GABRB3: variants seen among roughly 807,000 people sequenced by gnomAD.
The protein encoded by GABRB3 is gamma-aminobutyric acid receptor subunit beta-3.
A neutral mutation model predicts 52.1 loss-of-function variants in GABRB3; 14 were observed. That is an observed-to-expected ratio of 0.27 (90% CI 0.18 to 0.42). The LOEUF (loss-of-function observed/expected upper bound fraction) is 0.42. GABRB3 is among the 10% of genes least tolerant of loss of function. GABRB3 has a pLI of 1.00. For missense variants in GABRB3, 307 were observed against 609.1 expected (o/e 0.50, Z 5.22); for synonymous variants, 260 against 232.3 (o/e 1.12, Z -1.08).
chr15:26,761,693 G>A (rs1016560907), intron 3 of GABRB3, among the ~76,000 whole-genome samples: 2 of 152,112 alleles, frequency 1.3e-5, no homozygotes, highest in African/African-American at 4.8e-5. Context: ...CCCCCAGGAG[G>A]AATCTCCAGG....
chr15:26,633,845 A>G (rs1311306851), intron 3 of GABRB3, among the ~76,000 whole-genome samples: 1 of 152,178 alleles, frequency 6.6e-6, no homozygotes, highest in Non-Finnish European at 1.5e-5. Flanking sequence ...TCTAAACCAA[A>G]GTATAAAAGA....
chr15:26,558,679 G>C (rs1889848998), intron 8 of GABRB3, among the ~76,000 whole-genome samples: 1 of 152,140 alleles, frequency 6.6e-6, no homozygotes, highest in African/African-American at 2.4e-5. Context: ...AAGGCAGGTG[G>C]ATCATCTGAG....
At chr15:26,731,384 T>C (rs894961197) in intron 3 of GABRB3, among the ~76,000 whole-genome samples, 15 of 152,316 alleles carry the variant, frequency 9.8e-5, no homozygotes, top group African/African-American at 3.4e-4. Context: ...CATATCCTTG[T>C]TGAATTCTTG....
intron 3 of GABRB3, among the ~76,000 whole-genome samples, chr15:26,673,173 C>A (rs1169068368): frequency 6.6e-6 from 1 of 152,198 alleles, no homozygotes; most frequent in Non-Finnish European, 1.5e-5. Flanking sequence ...ACTCAACATT[C>A]ATTAATTCTG....
In GABRB3 at chr15:26,738,163, A is replaced by C. The variant is rs1595559921; in HGVS notation, c.240+34239T>G. Among the ~76,000 whole-genome samples the C allele has an allele frequency of 2.6e-5, 4 of 151,750 alleles. 1 individual carries two copies. The South Asian group carries it at 8.3e-4, about 32-fold the overall frequency. ...AATGGTGTGACCTCGGCTCACTGCA[A>C]CCTCCACCTCCCCAGTTCCAGCAAT... On this transcript the variant is annotated intron_variant, in intron 3 of 8. Transcript: ENST00000311550.
At chr15:26,565,820 T>G (rs982920742) in intron 7 of GABRB3, among the ~76,000 whole-genome samples, 1 of 152,198 alleles carries the variant, frequency 6.6e-6, no homozygotes, top group Non-Finnish European at 1.5e-5. Context: ...GACGGCAAAT[T>G]CTCTGTAGCA....
chr15:26,737,548 A>ACACAGAATAAACCAAAAGAACTT (rs1450383025), intron 3 of GABRB3, among the ~76,000 whole-genome samples: 4 of 152,168 alleles, frequency 2.6e-5, no homozygotes, highest in African/African-American at 9.6e-5. Context: ...ATAAAGAAGT[A>ACACAGAATAAACCAAAAGAACTT]CACAGAATAA....
chr15:26,662,093 T>C (rs1566795295), intron 3 of GABRB3, among the ~76,000 whole-genome samples: 1 of 152,284 alleles, frequency 6.6e-6, no homozygotes, highest in African/African-American at 2.4e-5. Flanking sequence ...CACAATCCCT[T>C]TGAATGAACG....
intron 3 of GABRB3, among the ~76,000 whole-genome samples, chr15:26,649,114 G>A (rs533678315): frequency 7.9e-5 from 12 of 152,310 alleles, no homozygotes; most frequent in Admixed American, 2.6e-4. Context: ...TTGCTACGGT[G>A]AGAAGCATTG....
chr15:26,547,668 T>C lies in GABRB3; in HGVS notation c.*125A>G. ...TGAGAAAGTTCACATATATATACAA[T>C]TGCGTATGTATATATGTGTGTGTCT... On this transcript the variant is annotated 3_prime_UTR_variant, in exon 9 of 9. Coordinates refer to ENST00000311550, the MANE Select transcript of GABRB3 (RefSeq NM_000814.6). 4.2e-6 allele frequency: 3 copies of C among 711,108 alleles called. No individual in the cohort carries two copies. The highest frequency in any genetic ancestry group is 7.4e-6 in the Non-Finnish European group (3 of 405,428). 44.0% of individuals were successfully genotyped at this position (711,108 alleles called of 1,614,324 possible). A position where few individuals can be genotyped will look rare whatever the true frequency, so the allele number is the denominator to read the frequency against.
At chr15:26,568,529 G>A (rs1307593448) in intron 6 of GABRB3, among the ~76,000 whole-genome samples, 5 of 139,384 alleles carry the variant, frequency 3.6e-5, no homozygotes, top group African/African-American at 1.3e-4. Context: ...ATGGAGTCTC[G>A]CTCTGTCACC....
intron 4 of GABRB3, among the ~76,000 whole-genome samples, chr15:26,588,128 T>A (rs996943255): frequency 3.9e-5 from 6 of 152,144 alleles, no homozygotes; most frequent in Non-Finnish European, 7.4e-5. Context: ...GACACGCCTG[T>A]GTCCAATATA....
intron 5 of GABRB3, among the ~76,000 whole-genome samples, chr15:26,581,389 C>T (rs1890783503): frequency 6.6e-6 from 1 of 152,170 alleles, no homozygotes; most frequent in South Asian, 2.1e-4. Flanking sequence ...GAGTTGCTCC[C>T]CACAGCTAAT....
intron 3 of GABRB3, among the ~76,000 whole-genome samples, chr15:26,664,704 G>GTTTTTTTTTT (rs1162139952): frequency 3.2e-5 from 3 of 95,224 alleles, no homozygotes; most frequent in African/African-American, 4.2e-5. Context: ...TCTTTTCTTT[G>GTTTTTTTTTT]TTTTTTTTTT....
At chr15:26,604,301 T>C (rs1301074976) in intron 4 of GABRB3, among the ~76,000 whole-genome samples, 2 of 152,150 alleles carry the variant, frequency 1.3e-5, no homozygotes, top group Non-Finnish European at 2.9e-5. Context: ...TCCATGTTCA[T>C]GGATTGGAAG....
chr15:26,711,696 G>A (rs1889301864), intron 3 of GABRB3, among the ~76,000 whole-genome samples: 1 of 152,142 alleles, frequency 6.6e-6, no homozygotes, highest in African/African-American at 2.4e-5. Context: ...CTCCTGCCTG[G>A]AATGGCTCTG....
intron 3 of GABRB3, among the ~76,000 whole-genome samples, chr15:26,759,593 C>T (rs941326907): frequency 2.6e-5 from 4 of 152,194 alleles, no homozygotes; most frequent in Non-Finnish European, 5.9e-5. Context: ...CCATAATTGA[C>T]ATCCAAGCTT....
At chr15:26,609,227 C>T (rs554767659) in intron 4 of GABRB3, among the ~76,000 whole-genome samples, 5 of 151,960 alleles carry the variant, frequency 3.3e-5, no homozygotes, top group Admixed American at 6.6e-5. Context: ...AAGTGAATTA[C>T]GCCAGTCACA....
rs1205143790 is a variant in GABRB3 at position 26,547,440 on chromosome 15, A to C, written c.*353T>G. Reference sequence around the variant, plus strand: ...TTCACGCCCTCATTCTCAAGGCATAATATTTAGATGATACTTGTCCCTTTC... The same window carrying C: ...TTCACGCCCTCATTCTCAAGGCATACTATTTAGATGATACTTGTCCCTTTC... On this transcript the variant is annotated 3_prime_UTR_variant, in exon 9 of 9. Coordinates refer to ENST00000311550, the MANE Select transcript of GABRB3 (RefSeq NM_000814.6). The C allele has an allele frequency of 1.1e-5, 5 of 455,960 alleles. No homozygotes were observed. Among genetic ancestry groups the C allele is most frequent in the Admixed American group, 7.6e-5 (2 of 26,320 alleles). 28.2% of individuals were successfully genotyped at this position (455,960 alleles called of 1,614,324 possible). A position where few individuals can be genotyped will look rare whatever the true frequency, so the allele number is the denominator to read the frequency against.
Sources: gnomAD v4.1 joint callset for allele counts (sites outside exome capture counted in the v4.1 genomes callset) on GRCh38, gnomAD v4.1.1 for gene constraint, MANE v1.5 for transcripts, NCBI Gene and HGNC (gene_info 2026-07-23, HGNC 2026-07-21) for gene names.